The following KRABD4 variants were observed in gnomAD, a reference collection of about 807,000 sequenced individuals.
The protein encoded by KRABD4 is KRAB domain containing 4, also known as KRAB domain-containing protein 4.
the KRABD4 span, among the ~76,000 whole-genome samples, chrX:46,459,294 A>G: frequency 1.0e-5 from 1 of 100,272 alleles, no homozygotes; most frequent in African/African-American, 3.7e-5. Context: ...AGCCTGGGCA[A>G]CAGAGCGAGA....
At chrX:46,463,191 C>G in the KRABD4 span, 4 of 1,207,792 alleles carry the variant, frequency 3.3e-6, no homozygotes, top group Admixed American at 8.7e-5. Flanking sequence ...TCATTTCCCC[C>G]GAACAGGGTA....
the KRABD4 span, chrX:46,450,544 G>A: frequency 1.0e-6 from 1 of 993,326 alleles, no homozygotes; most frequent in African/African-American, 1.9e-5. Flanking sequence ...CTATATAGCA[G>A]ACTTGAAAAT....
At chrX:46,472,641 A>C in the KRABD4 span, 1 of 905,622 alleles carries the variant, frequency 1.1e-6, no homozygotes, top group Non-Finnish European at 1.6e-6. Flanking sequence ...CATCAGCTCA[A>C]GTCATGTTGA....
chrX:46,450,082 G>A, the KRABD4 span, among the ~76,000 whole-genome samples: 1 of 112,090 alleles, frequency 8.9e-6, no homozygotes, highest in Non-Finnish European at 1.9e-5. Context: ...TATTTTAATG[G>A]TAGAAATGAC....
At chrX:46,473,096 A>G in the KRABD4 span, 2 of 1,194,181 alleles carry the variant, frequency 1.7e-6, no homozygotes, top group Non-Finnish European at 2.3e-6. Context: ...GACCCTAATC[A>G]ACGAGGGAAA....
chrX:46,462,554 G>C, the KRABD4 span: 2 of 635,443 alleles, frequency 3.1e-6, no homozygotes, highest in South Asian at 6.1e-5. Flanking sequence ...GTGGGAACCA[G>C]ACCGTGTGGA....
the KRABD4 span, chrX:46,462,370 C>T: frequency 4.2e-5 from 8 of 191,886 alleles, no homozygotes; most frequent in Middle Eastern, 1.8e-3. Flanking sequence ...ATTAGCCGGG[C>T]GTGGTGGCGG....
At chrX:46,462,557 C>T in the KRABD4 span, 22 of 648,281 alleles carry the variant, frequency 3.4e-5, no homozygotes, top group South Asian at 2.1e-4. Context: ...GGAACCAGAC[C>T]GTGTGGATTC....
At chrX:46,469,020 A>G in the KRABD4 span, among the ~76,000 whole-genome samples, 4 of 112,339 alleles carry the variant, frequency 3.6e-5, no homozygotes, top group African/African-American at 1.3e-4. Context: ...TCTGGAAACC[A>G]ACAAAATCTG....
At chrX:46,452,459 C>T in the KRABD4 span, among the ~76,000 whole-genome samples, 2 of 110,763 alleles carry the variant, frequency 1.8e-5, no homozygotes, top group African/African-American at 6.6e-5. Flanking sequence ...AGTGCTCCCT[C>T]CTCCAGTTTT....
the KRABD4 span, among the ~76,000 whole-genome samples, chrX:46,451,233 G>A: frequency 1.8e-5 from 2 of 112,056 alleles, no homozygotes; most frequent in African/African-American, 3.2e-5. Flanking sequence ...CATGTTCCTC[G>A]TCAGAGATGC....
the KRABD4 span, among the ~76,000 whole-genome samples, chrX:46,449,170 T>A: frequency 7.1e-5 from 8 of 112,142 alleles, no homozygotes; most frequent in South Asian, 3.7e-4. Context: ...AAATGCAAAT[T>A]GTGAGAAAGG....
the KRABD4 span, among the ~76,000 whole-genome samples, chrX:46,447,891 G>T: frequency 9.0e-6 from 1 of 111,087 alleles, no homozygotes; most frequent in African/African-American, 3.3e-5. Flanking sequence ...CGGGAGCTGG[G>T]ACTTTGAGAT....
chrX:46,458,043 C>T, the KRABD4 span, among the ~76,000 whole-genome samples: 65 of 110,913 alleles, frequency 5.9e-4, no homozygotes, highest in Admixed American at 1.2e-3. Context: ...CACCTGGCCC[C>T]GACGTTAGAA....
the KRABD4 span, chrX:46,454,119 A>G: frequency 6.5e-6 from 1 of 154,960 alleles, no homozygotes; most frequent in South Asian, 1.5e-4. Context: ...CTTCTACCTC[A>G]TTTGTTCTTC....
chrX:46,467,356 C>T, the KRABD4 span, among the ~76,000 whole-genome samples: 4 of 110,815 alleles, frequency 3.6e-5, no homozygotes, highest in East Asian at 1.1e-3. Context: ...AATTTGAGAC[C>T]AGCCTGGCCA....
chrX:46,468,500 C>T, the KRABD4 span, among the ~76,000 whole-genome samples: 934 of 110,172 alleles, frequency 8.5e-3, 12 homozygotes, highest in African/African-American at 0.03. Flanking sequence ...TGTACTCCAG[C>T]GCTCCAGTAC....
At chrX:46,461,734 C>A in the KRABD4 span, among the ~76,000 whole-genome samples, 1 of 111,820 alleles carries the variant, frequency 8.9e-6, no homozygotes, top group African/African-American at 3.3e-5. Context: ...GCTGCCCAGG[C>A]CACAAACCTC....
the KRABD4 span, among the ~76,000 whole-genome samples, chrX:46,469,210 T>C: frequency 8.9e-6 from 1 of 112,314 alleles, no homozygotes; most frequent in Non-Finnish European, 1.9e-5. Context: ...TTCCTAGAAA[T>C]TTTAGAATCA....
Sources: gnomAD v4.1 joint callset for allele counts (sites outside exome capture counted in the v4.1 genomes callset) on GRCh38, gnomAD v4.1.1 for gene constraint, MANE v1.5 for transcripts, NCBI Gene and HGNC (gene_info 2026-07-23, HGNC 2026-07-21) for gene names.